The following TBC1D31 variants were observed in gnomAD, a reference collection of about 807,000 sequenced individuals.
TBC1D31 encodes the protein WD repeat domain 67.
TBC1D31 carries 99 observed loss-of-function variants against 132.9 expected under a neutral mutation model. The ratio of observed to expected loss-of-function variants is 0.74; its 90% confidence interval spans 0.63 to 0.88. TBC1D31 has a LOEUF of 0.88. Ranked by LOEUF, TBC1D31 falls within the 40% of genes least tolerant of loss-of-function variation. The pLI is 0.00. For missense variants in TBC1D31, 1,134 were observed against 1,256.6 expected, an observed-to-expected ratio of 0.90 and a Z score of 1.48; for synonymous variants, 385 against 419.4, an observed-to-expected ratio of 0.92 and a Z score of 1.00.
At chr8:123,097,471 T>C (rs768759210) in intron 6 of TBC1D31, 30 bp downstream of exon 6, 32 of 1,601,302 alleles carry the variant, frequency 2.0e-5, no homozygotes, top group Non-Finnish European at 2.3e-5. Context: ...GGCACTGTAC[T>C]TTTTGAGAAA....
chr8:123,128,366 T>C lies in TBC1D31; in HGVS notation c.1970T>C (p.Ile657Thr). ...CTCATGGAGACCACGCCTACTGACATTCATCCAGACAGCATGCTTAATGTT... is the reference window on the plus strand; with the variant it reads ...CTCATGGAGACCACGCCTACTGACACTCATCCAGACAGCATGCTTAATGTT... The part of the protein sequence containing the change: ...YHLMETTPTD[I>T]HPDSMLNVFV... The change falls in exon 14 of 22, where the codon ATT becomes ACT. Residue 657 changes from isoleucine to threonine, a missense_variant. Physicochemically the swap from Ile to Thr is moderately conservative, Grantham distance 89 (BLOSUM62 -1). Transcript: ENST00000287380. The C allele has an allele frequency of 6.2e-7, 1 of 1,613,580 alleles. No homozygotes were observed. The highest frequency in any genetic ancestry group is 1.3e-5 in the African/African-American group (1 of 75,018).
At chr8:123,157,320 G>T in the TBC1D31 span, among the ~76,000 whole-genome samples, 1 of 152,088 alleles carries the variant, frequency 6.6e-6, no homozygotes, top group South Asian at 2.1e-4. Context: ...AAGGGTTTCC[G>T]GACGGATCAT....
intron 10 of TBC1D31, among the ~76,000 whole-genome samples, chr8:123,110,174 C>T (rs1029901736): frequency 1.3e-5 from 2 of 152,186 alleles, no homozygotes; most frequent in Non-Finnish European, 2.9e-5. Flanking sequence ...TATTCTACCA[C>T]TTAATGATTG....
At chr8:123,081,626 AC>A (rs1205808332) in intron 2 of TBC1D31, among the ~76,000 whole-genome samples, 5 of 152,238 alleles carry the variant, frequency 3.3e-5, no homozygotes, top group African/African-American at 1.2e-4. Flanking sequence ...ATAAAGACAT[AC>A]CCGAGACTGG....
intron 16 of TBC1D31, among the ~76,000 whole-genome samples, chr8:123,130,717 G>A (rs1820541539): frequency 6.6e-6 from 1 of 151,284 alleles, no homozygotes. Context: ...CGCCTCCCGG[G>A]TTCAAGTGAT....
intron 15 of TBC1D31, 115 bp from the exon 16 acceptor site, chr8:123,130,083 C>A (rs1820462954): frequency 9.3e-7 from 1 of 1,077,240 alleles, no homozygotes; most frequent in Non-Finnish European, 1.3e-6. Context: ...ATTCTTCTTT[C>A]AAATAAAGGA....
intron 5 of TBC1D31, among the ~76,000 whole-genome samples, chr8:123,095,773 G>C (rs1816779105): frequency 6.6e-6 from 1 of 152,142 alleles, no homozygotes; most frequent in Non-Finnish European, 1.5e-5. Context: ...CCTGGAATCA[G>C]CCATTTCTCT....
At chr8:123,149,692 G>T (rs1337597328) in intron 20 of TBC1D31, among the ~76,000 whole-genome samples, 1 of 152,212 alleles carries the variant, frequency 6.6e-6, no homozygotes, top group African/African-American at 2.4e-5. Flanking sequence ...ATGAGGCCCT[G>T]CCTAGCTAAA....
Position 123,126,699 on chromosome 8 carries a change from T to C in TBC1D31, c.1884+12T>C, listed in dbSNP as rs777166882. The C allele has an allele frequency of 8.8e-6, 14 of 1,583,218 alleles. No individual in the cohort carries two copies. Among genetic ancestry groups the C allele is most frequent in the Non-Finnish European group, 9.4e-6 (11 of 1,168,298 alleles). On this transcript the variant is annotated intron_variant, in intron 13 of 21. Coordinates refer to ENST00000287380, the MANE Select transcript of TBC1D31 (RefSeq NM_145647.4). ...AAGATGACTTTGAGGTAACGGTCCT[T>C]GTTCTTAAGAGAAGGTTCTCAAATA...
chr8:123,099,757 G>T (rs1030600946), intron 6 of TBC1D31, among the ~76,000 whole-genome samples: 2 of 152,178 alleles, frequency 1.3e-5, no homozygotes, highest in Non-Finnish European at 2.9e-5. Flanking sequence ...TGCTGTATTG[G>T]AATACCACAG....
At chr8:123,139,450 A>G (rs982146055) in intron 17 of TBC1D31, among the ~76,000 whole-genome samples, 1 of 152,044 alleles carries the variant, frequency 6.6e-6, no homozygotes, top group African/African-American at 2.4e-5. Context: ...GTCTCTACTC[A>G]GGTAGTTTGG....
intron 20 of TBC1D31, among the ~76,000 whole-genome samples, chr8:123,147,496 T>C (rs547483691): frequency 2.6e-5 from 4 of 152,142 alleles, no homozygotes; most frequent in African/African-American, 9.6e-5. Flanking sequence ...GAAAGAAAAA[T>C]AGAAAATCTT....
chr8:123,134,289 G>A, intron 17 of TBC1D31, 83 bp downstream of exon 17: 1 of 1,071,266 alleles, frequency 9.3e-7, no homozygotes, highest in East Asian at 2.5e-5. Context: ...AGCACTTTGG[G>A]AGGATGAGGT....
chr8:123,111,267 G>A (rs1818406942), intron 10 of TBC1D31, among the ~76,000 whole-genome samples: 1 of 152,162 alleles, frequency 6.6e-6, no homozygotes, highest in Admixed American at 6.5e-5. Context: ...TAGCAAAACA[G>A]TGATAATATA....
the TBC1D31 span, among the ~76,000 whole-genome samples, chr8:123,157,716 C>A: frequency 3.7e-5 from 4 of 108,000 alleles, no homozygotes; most frequent in African/African-American, 1.6e-4. Flanking sequence ...CGGGCGCGCG[C>A]GCGCACACAC....
downstream of TBC1D31, among the ~76,000 whole-genome samples, chr8:123,156,496 CAA>C (rs1822993182): frequency 6.6e-6 from 1 of 150,730 alleles, no homozygotes. Context: ...ATGCCACCAG[CAA>C]AGAGTTGAAA....
At chr8:123,130,139 A>G (rs1820469383) in intron 15 of TBC1D31, 59 bp from the exon 16 acceptor site, 2 of 1,539,806 alleles carry the variant, frequency 1.3e-6, no homozygotes, top group East Asian at 2.3e-5. Context: ...TGTTATGAAA[A>G]AACTAAATCA....
chr8:123,135,694 A>G (rs1026370886), intron 17 of TBC1D31, among the ~76,000 whole-genome samples: 8 of 152,284 alleles, frequency 5.3e-5, no homozygotes, highest in Admixed American at 3.3e-4. Flanking sequence ...GATTTAAACC[A>G]TATAGCATCC....
At position 123,128,315 on chromosome 8, in the gene TBC1D31, A is replaced by C. The variant is rs140575323; in HGVS notation, c.1919A>C (p.Asn640Thr). 1.9e-5 allele frequency: 30 copies of C among 1,612,180 alleles called. No homozygotes were observed. Among genetic ancestry groups the C allele is most frequent in the Non-Finnish European group, 2.5e-5 (29 of 1,178,518 alleles). The change falls in exon 14 of 22, where the codon AAT becomes ACT. Residue 640 changes from asparagine to threonine, a missense_variant. Asn to Thr is a moderately conservative substitution (Grantham distance 65). Coordinates refer to ENST00000287380, the MANE Select transcript of TBC1D31 (RefSeq NM_145647.4). ...FFHHRNNLDI[N>T]VVIRQVYHLM... is the part of the protein sequence containing the mutation. ...CACCATCGGAATAACCTGGATATAAATGTTGTGATTAGACAAGTTTATCAT... is the reference window on the plus strand; with the variant it reads ...CACCATCGGAATAACCTGGATATAACTGTTGTGATTAGACAAGTTTATCAT...
Sources: allele counts gnomAD v4.1 joint callset (sites outside exome capture counted in the v4.1 genomes callset), GRCh38; gene constraint gnomAD v4.1.1; transcripts MANE v1.5; gene names NCBI Gene and HGNC (gene_info 2026-07-23, HGNC 2026-07-21).